The following PCNX1 variants were observed in gnomAD, a reference collection of about 807,000 sequenced individuals.
PCNX1 encodes pecanex-like protein 1.
PCNX1 carries 78 observed loss-of-function variants against 242.2 expected under a neutral mutation model. The ratio of observed to expected loss-of-function variants is 0.32; its 90% CI spans 0.27 to 0.39. The LOEUF is 0.39. Ranked by LOEUF, PCNX1 falls within the 10% of genes least tolerant of loss-of-function variation. PCNX1 has a pLI of 1.00. For synonymous variants in PCNX1, 1,024 were observed against 1,032.9 expected (o/e 0.99, Z 0.17); for missense variants, 2,581 against 2,856.5 (o/e 0.90, Z 2.20).
intron 21 of PCNX1, 28 bp from the exon 22 acceptor site, chr14:71,047,779 G>A: frequency 6.3e-7 from 1 of 1,575,660 alleles, no homozygotes; most frequent in Admixed American, 1.8e-5. Flanking sequence ...TCAGTCATGA[G>A]TTGATTTGTG....
chr14:71,090,657 C>T (rs2062104792), intron 30 of PCNX1, among the ~76,000 whole-genome samples: 1 of 152,204 alleles, frequency 6.6e-6, no homozygotes. Flanking sequence ...GGTAATTCTT[C>T]AGATTAAAAT....
At chr14:71,074,953 A>G (rs2061675475) in intron 27 of PCNX1, among the ~76,000 whole-genome samples, 2 of 150,704 alleles carry the variant, frequency 1.3e-5, no homozygotes, top group South Asian at 2.1e-4. Context: ...TTAATAACCA[A>G]CATCTGAATT....
In PCNX1 at chr14:70,939,411, G is replaced by C. The variant is rs536606338; in HGVS notation, c.154-7504G>C. On this transcript the variant is annotated intron_variant, in intron 1 of 35. Transcript: ENST00000304743. ...TGTACCCAGTAGTCATTCAGGAGCA[G>C]GTTGTACAGTTTCCATGTAGTTGAG... Among the ~76,000 whole-genome samples, 13 of 152,308 alleles carry C rather than the reference G, an allele frequency of 8.5e-5. No individual in the cohort carries two copies. In the South Asian group the frequency reaches 2.7e-3, roughly 32 times the overall value.
At chr14:70,952,616 C>T (rs1413319802) in intron 2 of PCNX1, among the ~76,000 whole-genome samples, 2 of 152,002 alleles carry the variant, frequency 1.3e-5, no homozygotes, top group African/African-American at 2.4e-5. Flanking sequence ...ACTTTATTGA[C>T]TCACGCATGG....
At chr14:71,059,542 C>A (rs913790737) in intron 26 of PCNX1, among the ~76,000 whole-genome samples, 2 of 151,992 alleles carry the variant, frequency 1.3e-5, no homozygotes, top group African/African-American at 4.8e-5. Context: ...CACCACCACT[C>A]CTGGCTAATT....
At chr14:70,912,855 T>C (rs544289381) in intron 1 of PCNX1, among the ~76,000 whole-genome samples, 1 of 152,316 alleles carries the variant, frequency 6.6e-6, no homozygotes, top group African/African-American at 2.4e-5. Flanking sequence ...AGCCTTTTCC[T>C]CCTGTGAGAC....
intron 6 of PCNX1, among the ~76,000 whole-genome samples, chr14:70,985,859 T>C (rs557209092): frequency 6.6e-5 from 10 of 152,342 alleles, no homozygotes; most frequent in African/African-American, 2.4e-4. Flanking sequence ...AAACAGTTTT[T>C]AAAGTATTTT....
At chr14:71,015,689 CAA>C (rs1424968375) in intron 11 of PCNX1, among the ~76,000 whole-genome samples, 1 of 151,886 alleles carries the variant, frequency 6.6e-6, no homozygotes, top group African/African-American at 2.4e-5. Context: ...ACTAAAATAA[CAA>C]AAGAGTTGTA....
intron 1 of PCNX1, among the ~76,000 whole-genome samples, chr14:70,944,986 C>G (rs540775786): frequency 6.6e-6 from 1 of 152,164 alleles, no homozygotes; most frequent in African/African-American, 2.4e-5. Context: ...TTATAAATTA[C>G]CCAGTCTTGG....
intron 11 of PCNX1, among the ~76,000 whole-genome samples, chr14:71,016,238 CAG>C (rs1234185502): frequency 6.6e-6 from 1 of 152,172 alleles, no homozygotes; most frequent in East Asian, 1.9e-4. Flanking sequence ...ACACCTGAAA[CAG>C]AGCTTCAGAA....
At chr14:71,027,237 T>C (rs2060265762) in intron 15 of PCNX1, 1 of 156,860 alleles carries the variant, frequency 6.4e-6, no homozygotes, top group African/African-American at 2.4e-5. Context: ...CATAGCATTA[T>C]ATTTGGATTT....
Position 71,013,145 on chromosome 14 carries a change from C to T in PCNX1, c.2939C>T (p.Pro980Leu). 6.2e-7 allele frequency: 1 copy of T among 1,614,062 alleles called. No homozygotes were observed. The highest frequency in any genetic ancestry group is 8.5e-7 in the Non-Finnish European group (1 of 1,180,000). Residue 980 changes from proline to leucine, a missense_variant, in exon 11 of 36, where the codon CCC (proline) becomes CTC (leucine). This residue lies in a region of PCNX1 where 1,204 missense variants were observed against 1,216.7 expected (regional missense o/e 0.99). Transcript: ENST00000304743. Reference protein sequence around the residue: ...VKHYYRFWILPQLWIGINFDR... With the variant: ...VKHYYRFWILLQLWIGINFDR... Reference sequence around the variant, plus strand: ...CACTATTATCGCTTTTGGATCCTACCCCAGCTGTGGATTGGCATTAACTTT... The same window carrying T: ...CACTATTATCGCTTTTGGATCCTACTCCAGCTGTGGATTGGCATTAACTTT...
chr14:70,910,254 G>C (rs1031171444), intron 1 of PCNX1, among the ~76,000 whole-genome samples: 1 of 47,356 alleles, frequency 2.1e-5, no homozygotes, highest in Admixed American at 1.9e-4. Context: ...CATCATCACG[G>C]CCATCAGGCC....
At chr14:70,941,436 C>G (rs1439680613) in intron 1 of PCNX1, among the ~76,000 whole-genome samples, 1 of 152,222 alleles carries the variant, frequency 6.6e-6, no homozygotes, top group Non-Finnish European at 1.5e-5. Flanking sequence ...GTGGAGGCTG[C>G]AGAACAGCAA....
chr14:71,050,804 C>A lies in PCNX1; in HGVS notation c.4447+44C>A, dbSNP rs756364479. 3.2e-6 allele frequency: 5 copies of A among 1,557,674 alleles called. No homozygotes were observed. In the Admixed American group the frequency reaches 5.3e-5, roughly 17 times the overall value. On this transcript the variant is annotated intron_variant, in intron 23 of 35. Coordinates refer to ENST00000304743, the MANE Select transcript of PCNX1 (RefSeq NM_014982.3). ...TTTTATAAGAATGGACAGTCATATC[C>A]TAGATAAGAATGTTGGTTTATAGGC...
chr14:70,967,729 C>G (rs1054278558), intron 3 of PCNX1, among the ~76,000 whole-genome samples: 3 of 152,158 alleles, frequency 2.0e-5, no homozygotes, highest in Admixed American at 6.5e-5. Context: ...GATACACTTA[C>G]AATTCGATGG....
chr14:70,951,860 A>G (rs2057793791), intron 2 of PCNX1, among the ~76,000 whole-genome samples: 1 of 152,146 alleles, frequency 6.6e-6, no homozygotes, highest in African/African-American at 2.4e-5. Flanking sequence ...GTTTTTATTT[A>G]TCATCTCTTT....
intron 9 of PCNX1, among the ~76,000 whole-genome samples, chr14:71,010,813 C>T (rs979332890): frequency 3.3e-5 from 5 of 151,986 alleles, no homozygotes; most frequent in Admixed American, 2.6e-4. Flanking sequence ...TTTGAGGGAC[C>T]ATTTAAAGCA....
At chr14:70,940,903 C>A (rs61988728) in intron 1 of PCNX1, among the ~76,000 whole-genome samples, 2,164 of 152,270 alleles carry the variant, frequency 0.014, 23 homozygotes, top group Middle Eastern at 0.034. Context: ...CCCTTTCTTC[C>A]ACTTGATCGA....
Sources: allele counts gnomAD v4.1 joint callset (sites outside exome capture counted in the v4.1 genomes callset), GRCh38; gene constraint gnomAD v4.1.1; regional missense constraint gnomAD v4.1.1; transcripts MANE v1.5; gene names NCBI Gene and HGNC (gene_info 2026-07-23, HGNC 2026-07-21).